The following TDRD12 variants were observed in gnomAD, a reference collection of about 807,000 sequenced individuals.
The protein encoded by TDRD12 is tudor domain containing 12.
In TDRD12, 158 loss-of-function variants were observed where a neutral mutation model predicts 133.5. That is an observed-to-expected ratio of 1.18 (90% CI 1.04 to 1.35). The LOEUF is 1.35. TDRD12 is among the 40% of genes most tolerant of loss of function. The probability of loss-of-function intolerance (pLI) is 0.00; values close to 1 mark genes in which losing one functional copy is unlikely to be tolerated. For missense variants in TDRD12, 1,443 were observed against 1,321.3 expected (o/e 1.09, Z -1.43); for synonymous variants, 460 against 477.9 (o/e 0.96, Z 0.49).
At chr19:32,737,870 C>T (rs543224896) in intron 2 of TDRD12, among the ~76,000 whole-genome samples, 13 of 152,320 alleles carry the variant, frequency 8.5e-5, no homozygotes, top group African/African-American at 2.4e-4. Context: ...CGGTGGCTCA[C>T]GCCTGTAATC....
chr19:32,802,858 A>T (rs1971439972), intron 20 of TDRD12, 64 bp from the exon 21 acceptor site: 2 of 1,529,898 alleles, frequency 1.3e-6, no homozygotes, highest in East Asian at 4.9e-5. Context: ...CTCAGAGTCC[A>T]CAAGGTTTCC....
At position 32,821,084 on chromosome 19, in the gene TDRD12, C is replaced by T. The variant is rs1316019400; in HGVS notation, c.3435C>T (p.Asp1145=). The T allele has an allele frequency of 7.2e-6, 11 of 1,535,780 alleles. No homozygotes were observed. In the African/African-American group the frequency reaches 8.2e-5, roughly 11 times the overall value. The change falls in exon 28 of 28, where the codon GAC becomes GAT. Residue 1145 remains aspartate, a synonymous_variant. Coordinates refer to ENST00000444215, the Ensembl canonical transcript of TDRD12. ...GCCTGCAGAGCCCCCAGCCTGAGGA[C>T]ACGGGTGCAGAAGGAGGGGCTGAGT... is the stretch of plus-strand genomic sequence containing the variant.
chr19:32,812,234 G>A (rs988063564), intron 24 of TDRD12, among the ~76,000 whole-genome samples: 13 of 152,320 alleles, frequency 8.5e-5, no homozygotes, highest in South Asian at 4.1e-4. Context: ...AGGGGGGCCC[G>A]CGTCTCAGGC....
At chr19:32,809,697 G>GAT (rs1966935035) in intron 22 of TDRD12, among the ~76,000 whole-genome samples, 1 of 152,174 alleles carries the variant, frequency 6.6e-6, no homozygotes, top group Non-Finnish European at 1.5e-5. Flanking sequence ...CCTGGAGGCT[G>GAT]ATATACAGTA....
exon 14 of TDRD12, chr19:32,794,743 T>G (rs1228835878): frequency 1.4e-6 from 1 of 703,304 alleles, no homozygotes; most frequent in African/African-American, 1.7e-5. Context: ...AACCCTTTGC[T>G]CTACCTCCTA....
At chr19:32,745,078 C>A (rs1385963801) in intron 4 of TDRD12, among the ~76,000 whole-genome samples, 1 of 152,226 alleles carries the variant, frequency 6.6e-6, no homozygotes, top group Admixed American at 6.5e-5. Flanking sequence ...CCAGCCCCCC[C>A]CACTACTCAC....
chr19:32,746,595 T>A (rs1969641176), intron 4 of TDRD12, among the ~76,000 whole-genome samples: 1 of 143,090 alleles, frequency 7.0e-6, no homozygotes, highest in Middle Eastern at 4.0e-3. Context: ...AGAGTCTGGC[T>A]GATGTGGTTA....
At chr19:32,719,904 G>C (rs551451937) in exon 1 of TDRD12, 2 of 771,200 alleles carry the variant, frequency 2.6e-6, no homozygotes, top group South Asian at 3.3e-5. Flanking sequence ...GAGGGCTCCT[G>C]GGGACGAGGA....
exon 24 of TDRD12, chr19:32,811,342 C>A: frequency 6.5e-7 from 1 of 1,536,148 alleles, no homozygotes; most frequent in Non-Finnish European, 8.7e-7. Flanking sequence ...AACATTTCCA[C>A]ACACTTCCCC....
intron 13 of TDRD12, among the ~76,000 whole-genome samples, chr19:32,794,199 G>A (rs1971155606): frequency 7.3e-6 from 1 of 136,824 alleles, no homozygotes; most frequent in South Asian, 2.3e-4. Context: ...TCTGCCTCCT[G>A]TGTTCAAGTG....
chr19:32,796,820 A>T (rs1309542995), intron 14 of TDRD12, among the ~76,000 whole-genome samples: 1 of 151,976 alleles, frequency 6.6e-6, no homozygotes, highest in Non-Finnish European at 1.5e-5. Context: ...CTGTGTCTGG[A>T]AGCTGGGCCC....
chr19:32,811,405 A>C (rs775223446), exon 24 of TDRD12: 1 of 1,536,160 alleles, frequency 6.5e-7, no homozygotes, highest in South Asian at 1.2e-5. Context: ...ACAACGAAAT[A>C]GAATGGAATC....
At chr19:32,782,868 C>T (rs1417576475) in intron 11 of TDRD12, among the ~76,000 whole-genome samples, 3 of 152,138 alleles carry the variant, frequency 2.0e-5, no homozygotes, top group African/African-American at 7.2e-5. Flanking sequence ...TGGATATTAG[C>T]CCTTTGCCAG....
Position 32,739,878 on chromosome 19 carries a change from G to A in TDRD12, c.320+886G>A, listed in dbSNP as rs552003975. On this transcript the variant is annotated intron_variant, in intron 3 of 27. Coordinates refer to ENST00000444215, the Ensembl canonical transcript of TDRD12. ...GTGTGCTCTCTGCATCTCCTGGTGC[G>A]CTGTCTGCATCTCCTGGGTGCTGTC... Among the ~76,000 whole-genome samples the A allele has an allele frequency of 1.3e-4, 15 of 115,876 alleles. No individual in the cohort carries two copies. The Admixed American group carries it at 1.3e-3, about 10-fold the overall frequency. The allele number at this position is 115,876 out of a possible 152,430, so 76.0% of individuals were successfully genotyped here. A position where few individuals can be genotyped will look rare whatever the true frequency, so the allele number is the denominator to read the frequency against.
intron 27 of TDRD12, among the ~76,000 whole-genome samples, chr19:32,819,314 C>CAAAA (rs57431026): frequency 1.5e-5 from 2 of 135,160 alleles, no homozygotes; most frequent in South Asian, 2.4e-4. Context: ...GACCTTGTCT[C>CAAAA]AAAAAAAAAA....
intron 2 of TDRD12, among the ~76,000 whole-genome samples, chr19:32,737,066 A>G (rs1969246151): frequency 6.6e-6 from 1 of 152,192 alleles, no homozygotes; most frequent in Admixed American, 6.5e-5. Flanking sequence ...TTTGTAGTAA[A>G]GTTTAAATAT....
At chr19:32,810,055 A>G (rs771367029) in intron 22 of TDRD12, 38 bp from the exon 23 acceptor site, 202 of 1,350,076 alleles carry the variant, frequency 1.5e-4, no homozygotes, top group Non-Finnish European at 2.0e-4. Context: ...GTTTAGACTA[A>G]GTTTGTTTCT....
At position 32,778,719 on chromosome 19, in the gene TDRD12, C is replaced by T. The variant is rs544517208; in HGVS notation, c.1121+1490C>T. Among the ~76,000 whole-genome samples, 15 of 152,224 alleles carry T rather than the reference C, an allele frequency of 9.9e-5. 1 individual carries two copies. The South Asian group carries it at 2.1e-3, about 21-fold the overall frequency. On this transcript the variant is annotated intron_variant, in intron 11 of 27. Transcript: ENST00000444215. ...TTTGCCATGTTGGCCAGGCTGGTCT[C>T]GAACTCATGACCTCAGGTGATCCGC...
At position 32,738,960 on chromosome 19, in the gene TDRD12, CTT is replaced by C. The variant is rs1270529223; in HGVS notation, c.290_291del (p.Phe97CysfsTer9). The C allele has an allele frequency of 1.3e-6, 2 of 1,550,772 alleles. No homozygotes were observed. The highest frequency in any genetic ancestry group is 3.9e-5 in the Admixed American group (2 of 50,984). On this transcript the variant is annotated frameshift_variant, in exon 3 of 28. Transcript: ENST00000444215. LOFTEE classifies it high-confidence loss of function. ...ACCTGGCAGAATGTTTCCTTGTGGA[CTT>C]TGCCAAGAACATTCCAGTCAAATCT...
Sources: allele counts gnomAD v4.1 joint callset (sites outside exome capture counted in the v4.1 genomes callset), GRCh38; gene constraint gnomAD v4.1.1; transcripts MANE v1.5; gene names NCBI Gene and HGNC (gene_info 2026-07-23, HGNC 2026-07-21).